GALNTL5: variants seen among roughly 807,000 people sequenced by gnomAD.
GALNTL5 encodes inactive polypeptide N-acetylgalactosaminyltransferase-like protein 5.
In GALNTL5, 44 loss-of-function variants were observed where a neutral mutation model predicts 51.0. That is an observed-to-expected ratio of 0.86 (90% CI 0.68 to 1.11). The LOEUF is 1.11. Ranked by LOEUF, GALNTL5 falls within the 50% of genes least tolerant of loss-of-function variation. The pLI, the probability that GALNTL5 is intolerant of heterozygous loss-of-function variation, is 0.00. For synonymous variants in GALNTL5, 192 were observed against 182.8 expected (o/e 1.05, Z -0.41); for missense variants, 528 against 531.8 (o/e 0.99, Z 0.07).
intron 4 of GALNTL5, among the ~76,000 whole-genome samples, chr7:151,986,623 A>T (rs1322270930): frequency 6.6e-6 from 1 of 152,174 alleles, no homozygotes; most frequent in African/African-American, 2.4e-5. Flanking sequence ...TAACAGAATG[A>T]GGCCCTGTCT....
intron 5 of GALNTL5, among the ~76,000 whole-genome samples, chr7:151,991,826 G>C (rs2081432063): frequency 6.6e-6 from 1 of 152,140 alleles, no homozygotes; most frequent in African/African-American, 2.4e-5. Context: ...GGAAAAACGT[G>C]TTGAGATTTT....
intron 6 of GALNTL5, among the ~76,000 whole-genome samples, chr7:152,006,762 A>C (rs182610321): frequency 5.3e-3 from 798 of 151,118 alleles, no homozygotes; most frequent in Middle Eastern, 0.031. Context: ...ACTTGTGATT[A>C]TTTTTCTTTT....
intron 5 of GALNTL5, among the ~76,000 whole-genome samples, chr7:152,001,805 G>GT (rs2081584018): frequency 1.3e-5 from 2 of 152,162 alleles, no homozygotes; most frequent in Admixed American, 6.5e-5. Flanking sequence ...CTGTAGATTA[G>GT]TATGGGGGTT....
intron 3 of GALNTL5, among the ~76,000 whole-genome samples, chr7:151,982,423 T>A (rs1301961952): frequency 6.6e-6 from 1 of 151,996 alleles, no homozygotes; most frequent in Non-Finnish European, 1.5e-5. Flanking sequence ...TCAAAAAGAA[T>A]GAATAAATAA....
In GALNTL5 at chr7:152,014,695, C is replaced by T. The variant is rs777295957; in HGVS notation, c.1078C>T (p.His360Tyr). 1.9e-6 allele frequency: 3 copies of T among 1,613,628 alleles called. No homozygotes were observed. Among genetic ancestry groups the T allele is most frequent in the African/African-American group, 2.7e-5 (2 of 74,898 alleles). Residue 360 changes from histidine (H) to tyrosine (Y), a missense_variant, in exon 8 of 9, where the codon CAT (histidine) becomes TAT (tyrosine). Coordinates refer to ENST00000392800, the MANE Select transcript of GALNTL5 (RefSeq NM_145292.4). ...TATAATCCCCTGCTCTCGAGTAGGA[C>T]ATATCAGTAAGAAACAAACTGGAAA... The part of the protein sequence containing the change: ...LFIIPCSRVG[H>Y]ISKKQTGKPS...
chr7:152,009,771 G>C (rs919156197), intron 7 of GALNTL5, among the ~76,000 whole-genome samples: 5 of 152,138 alleles, frequency 3.3e-5, no homozygotes, highest in African/African-American at 4.8e-5. Context: ...ATAGCACTTG[G>C]CAGGGCAAGT....
intron 3 of GALNTL5, among the ~76,000 whole-genome samples, chr7:151,977,337 A>G (rs985894912): frequency 1.3e-5 from 2 of 152,164 alleles, no homozygotes; most frequent in East Asian, 3.8e-4. Context: ...TTAATTTATT[A>G]ATTTGATTTT....
Position 151,965,657 on chromosome 7 carries a change from T to G in GALNTL5, c.-39-1551T>G, listed in dbSNP as rs139099352. ...ACTTTGTGAGGCTAAGGCGGCAGAA[T>G]TGCTTGAGCCCAGGAGTTCAAGGCC... On this transcript the variant is annotated intron_variant, in intron 1 of 8. Coordinates refer to ENST00000392800, the MANE Select transcript of GALNTL5 (RefSeq NM_145292.4). Among the ~76,000 whole-genome samples the G allele has an allele frequency of 4.3e-4, 66 of 152,254 alleles. 1 individual carries two copies. In the East Asian group the frequency reaches 0.01, roughly 24 times the overall value.
At chr7:151,988,524 T>C (rs934930322) in intron 5 of GALNTL5, among the ~76,000 whole-genome samples, 7 of 152,296 alleles carry the variant, frequency 4.6e-5, no homozygotes, top group African/African-American at 1.7e-4. Flanking sequence ...TCTTTTTCCA[T>C]GTTGCCCTGG....
rs375446466 is a variant in GALNTL5 at position 151,970,784 on chromosome 7, C to T, written c.248-161C>T. The T allele has an allele frequency of 2.1e-4, 106 of 503,528 alleles. No homozygotes were observed. In the East Asian group the frequency reaches 2.6e-3, roughly 12 times the overall value. The allele number at this position is 503,528 out of a possible 1,614,324, so 31.2% of individuals were successfully genotyped here. On this transcript the variant is annotated intron_variant, in intron 2 of 8. Coordinates refer to ENST00000392800, the MANE Select transcript of GALNTL5 (RefSeq NM_145292.4). ...AGCAATGCAAAATGTACTAAAACAC[C>T]CACCTTTGCCAAGAATTATTTGACC...
chr7:151,980,517 T>C (rs796582435), intron 3 of GALNTL5, among the ~76,000 whole-genome samples: 7 of 152,162 alleles, frequency 4.6e-5, no homozygotes, highest in African/African-American at 1.7e-4. Flanking sequence ...GACTCTCCAT[T>C]CCCTTGAGTC....
Position 152,003,624 on chromosome 7 carries a change from A to C in GALNTL5, c.908+661A>C, listed in dbSNP as rs192912395. On this transcript the variant is annotated intron_variant, in intron 6 of 8. Coordinates refer to ENST00000392800, the MANE Select transcript of GALNTL5 (RefSeq NM_145292.4). ...TCAACATTAGCTACAGTAATGTCACAGACTTTGGAACAAAGAGGAACAAAA... is the reference window on the plus strand; with the variant it reads ...TCAACATTAGCTACAGTAATGTCACCGACTTTGGAACAAAGAGGAACAAAA... 2.4e-3 allele frequency among the ~76,000 whole-genome samples: 362 copies of C among 152,364 alleles called. 2 individuals are homozygous for C. Among genetic ancestry groups the C allele is most frequent in the African/African-American group, 8.4e-3 (349 of 41,584 alleles).
At chr7:151,958,778 A>G (rs2080957399) in intron 1 of GALNTL5, among the ~76,000 whole-genome samples, 1 of 152,206 alleles carries the variant, frequency 6.6e-6, no homozygotes, top group South Asian at 2.1e-4. Flanking sequence ...CCTGCGTCCA[A>G]GAAGAATGAG....
At chr7:151,980,996 C>T (rs1032773916) in intron 3 of GALNTL5, among the ~76,000 whole-genome samples, 5 of 151,922 alleles carry the variant, frequency 3.3e-5, no homozygotes, top group African/African-American at 7.3e-5. Flanking sequence ...CCGCCCTCCT[C>T]AGCCTCCCAA....
At chr7:152,002,989 A>T in intron 6 of GALNTL5, 26 bp downstream of exon 6, 1 of 1,606,528 alleles carries the variant, frequency 6.2e-7, no homozygotes, top group South Asian at 1.1e-5. Context: ...GTTTTGGAAA[A>T]ATATAGCATA....
In GALNTL5 at chr7:152,014,640, C is replaced by T. The variant is rs2081782308; in HGVS notation, c.1027-4C>T. On this transcript the variant is annotated splice_polypyrimidine_tract_variant and splice_region_variant and intron_variant, in intron 7 of 8. Coordinates refer to ENST00000392800, the MANE Select transcript of GALNTL5 (RefSeq NM_145292.4). ...CGTATGTTTTTTGTTCTTCTTATGC[C>T]TAGATCTGGATGTGTGGAGGCCAAC... 1 of 1,596,922 alleles carries T rather than the reference C, an allele frequency of 6.3e-7. No individual in the cohort carries two copies. The highest frequency in any genetic ancestry group is 1.1e-5 in the South Asian group (1 of 87,572).
intron 1 of GALNTL5, among the ~76,000 whole-genome samples, chr7:151,957,566 G>GA (rs55766339): frequency 5.6e-4 from 80 of 141,604 alleles, no homozygotes; most frequent in African/African-American, 1.2e-3. Flanking sequence ...AAAAAGAAAA[G>GA]AAAAAAAAAA....
chr7:152,014,850 C>T (rs2081786707), intron 8 of GALNTL5, 57 bp downstream of exon 8: 2 of 1,466,300 alleles, frequency 1.4e-6, no homozygotes, highest in South Asian at 1.4e-5. Context: ...AGGACTTGTT[C>T]TGAGGAAGCC....
Position 152,014,630 on chromosome 7 carries a change from C to A in GALNTL5, c.1027-14C>A, listed in dbSNP as rs763643171. 4 of 1,581,376 alleles carry A rather than the reference C, an allele frequency of 2.5e-6. No homozygotes were observed. In the African/African-American group the frequency reaches 4.1e-5, roughly 16 times the overall value. ...ATAATGCATTCGTATGTTTTTTGTT[C>A]TTCTTATGCCTAGATCTGGATGTGT... is the stretch of plus-strand genomic sequence containing the variant. On this transcript the variant is annotated splice_polypyrimidine_tract_variant and intron_variant, in intron 7 of 8. Coordinates refer to ENST00000392800, the MANE Select transcript of GALNTL5 (RefSeq NM_145292.4).
Sources: gnomAD v4.1 joint callset for allele counts (sites outside exome capture counted in the v4.1 genomes callset) on GRCh38, gnomAD v4.1.1 for gene constraint, MANE v1.5 for transcripts, NCBI Gene and HGNC (gene_info 2026-07-23, HGNC 2026-07-21) for gene names.